RTN4R: variants seen among roughly 807,000 people sequenced by gnomAD.
The protein encoded by RTN4R is reticulon 4 receptor.
Under a neutral mutation model 27.7 loss-of-function variants are expected in RTN4R, and 4 were observed. The ratio of observed to expected loss-of-function variants is 0.14; its 90% CI spans 0.07 to 0.33. RTN4R has a LOEUF of 0.33. RTN4R is among the 10% of genes least tolerant of loss of function. RTN4R has a pLI of 1.00. For synonymous variants in RTN4R, 290 were observed against 305.6 expected (o/e 0.95, Z 0.53); for missense variants, 554 against 671.5 (o/e 0.83, Z 1.93).
At chr22:20,247,769 A>G (rs1429463406) in intron 1 of RTN4R, among the ~76,000 whole-genome samples, 3 of 152,178 alleles carry the variant, frequency 2.0e-5, no homozygotes, top group African/African-American at 4.8e-5. Context: ...TAGGCAGACC[A>G]GGTCAATAAC....
At chr22:20,245,110 C>T (rs1320592095) in intron 1 of RTN4R, among the ~76,000 whole-genome samples, 1 of 152,194 alleles carries the variant, frequency 6.6e-6, no homozygotes, top group Non-Finnish European at 1.5e-5. Flanking sequence ...TCTAAACATG[C>T]CCCCAGTGAG....
intron 1 of RTN4R, among the ~76,000 whole-genome samples, chr22:20,252,611 C>T: frequency 6.6e-6 from 1 of 152,118 alleles, no homozygotes; most frequent in East Asian, 1.9e-4. Context: ...ATCTTCATCA[C>T]CACTATCCTT....
rs749760894 is a variant in RTN4R at position 20,241,926 on chromosome 22, A to G, written c.1207T>C (p.Ser403Pro). ...PPLTAVRPEGSEPPGFPTSGP... is the reference protein window; with the variant it reads ...PPLTAVRPEGPEPPGFPTSGP... ...GAGGTGGGGAACCCTGGTGGCTCGG[A>G]GCCCTCGGGCCGCACTGCAGTGAGC... The change falls in exon 2 of 2, where the codon TCC becomes CCC. Residue 403 changes from serine to proline, a missense_variant. Ser to Pro is a moderately conservative substitution (Grantham distance 74). Coordinates refer to ENST00000043402, the MANE Select transcript of RTN4R (RefSeq NM_023004.6). 13 of 1,605,738 alleles carry G rather than the reference A, an allele frequency of 8.1e-6. No individual in the cohort carries two copies. The African/African-American group carries it at 1.6e-4, about 20-fold the overall frequency.
intron 1 of RTN4R, among the ~76,000 whole-genome samples, chr22:20,261,836 G>A (rs1453903709): frequency 6.6e-6 from 1 of 152,270 alleles, no homozygotes; most frequent in Non-Finnish European, 1.5e-5. Flanking sequence ...CTGGGAACTA[G>A]GGACGGGGGC....
intron 1 of RTN4R, among the ~76,000 whole-genome samples, chr22:20,245,294 G>A (rs1421022057): frequency 6.6e-6 from 1 of 152,220 alleles, no homozygotes; most frequent in Non-Finnish European, 1.5e-5. Flanking sequence ...AGTCGGGTGA[G>A]GTGGGCTCTC....
chr22:20,260,600 T>C (rs2051240204), intron 1 of RTN4R, among the ~76,000 whole-genome samples: 1 of 152,034 alleles, frequency 6.6e-6, no homozygotes, highest in Non-Finnish European at 1.5e-5. Context: ...GTTCCCCAGG[T>C]AGGTGGAAGG....
chr22:20,253,170 G>A (rs1414674373), intron 1 of RTN4R, among the ~76,000 whole-genome samples: 2 of 152,210 alleles, frequency 1.3e-5, no homozygotes, highest in Non-Finnish European at 2.9e-5. Context: ...CTGGAAGAGG[G>A]GGCAGCAGCC....
intron 1 of RTN4R, among the ~76,000 whole-genome samples, chr22:20,253,672 G>A (rs894142368): frequency 1.3e-5 from 2 of 152,148 alleles, no homozygotes; most frequent in East Asian, 3.8e-4. Context: ...GAGGGAGAAT[G>A]ATGCTAGAGG....
At chr22:20,252,712 C>G (rs1166130185) in intron 1 of RTN4R, among the ~76,000 whole-genome samples, 1 of 152,134 alleles carries the variant, frequency 6.6e-6, no homozygotes, top group Non-Finnish European at 1.5e-5. Context: ...GCTCCCCAGT[C>G]CCCCATGGCA....
intron 1 of RTN4R, chr22:20,249,013 C>T (rs1015690303): frequency 1.8e-5 from 8 of 448,196 alleles, no homozygotes; most frequent in Non-Finnish European, 3.3e-5. Flanking sequence ...CCAGTGGAGG[C>T]CTCGCCCAGC....
At chr22:20,267,164 C>G (rs1222588419) in intron 1 of RTN4R, among the ~76,000 whole-genome samples, 1 of 152,274 alleles carries the variant, frequency 6.6e-6, no homozygotes, top group Non-Finnish European at 1.5e-5. Flanking sequence ...AGTGTTTGTG[C>G]ATGTGCACAC....
chr22:20,268,276 G>T lies in RTN4R; in HGVS notation c.-184C>A. ...CTGGGCTCGGGCCGCGGGTGCGCAG[G>T]GCGCGCAGGGCGCACAGGGCGAGGG... On this transcript the variant is annotated 5_prime_UTR_variant, in exon 1 of 2. Coordinates refer to ENST00000043402, the MANE Select transcript of RTN4R (RefSeq NM_023004.6). The T allele has an allele frequency of 6.6e-6, 1 of 151,334 alleles. No individual in the cohort carries two copies. Among genetic ancestry groups the T allele is most frequent in the South Asian group, 1.8e-4 (1 of 5,618 alleles). The allele number at this position is 151,334 out of a possible 1,614,324, so 9.4% of individuals were successfully genotyped here.
intron 1 of RTN4R, among the ~76,000 whole-genome samples, chr22:20,265,849 C>A (rs2051273799): frequency 6.6e-6 from 1 of 152,194 alleles, no homozygotes; most frequent in Admixed American, 6.5e-5. Flanking sequence ...AAAGCCGGGC[C>A]AATTCCGCCC....
At chr22:20,260,960 T>C (rs1160276875) in intron 1 of RTN4R, among the ~76,000 whole-genome samples, 1 of 151,894 alleles carries the variant, frequency 6.6e-6, no homozygotes, top group African/African-American at 2.4e-5. Context: ...CCGGACCCTG[T>C]GCACCCCACT....
At chr22:20,256,229 G>A (rs1288011062) in intron 1 of RTN4R, among the ~76,000 whole-genome samples, 2 of 152,182 alleles carry the variant, frequency 1.3e-5, no homozygotes, top group East Asian at 1.9e-4. Context: ...TGGGACCCAC[G>A]CCACTGAGCC....
chr22:20,263,253 T>C (rs1206449365), intron 1 of RTN4R, among the ~76,000 whole-genome samples: 1 of 152,082 alleles, frequency 6.6e-6, no homozygotes, highest in Non-Finnish European at 1.5e-5. Context: ...ACAGGTCTCC[T>C]CCTCTGGTCC....
chr22:20,260,102 C>T (rs1378314222), intron 1 of RTN4R, among the ~76,000 whole-genome samples: 2 of 152,174 alleles, frequency 1.3e-5, no homozygotes, highest in African/African-American at 2.4e-5. Context: ...CTCAAGTCCA[C>T]AGTCCCCCAT....
At chr22:20,267,914 C>T (rs1403386369) in intron 1 of RTN4R, among the ~76,000 whole-genome samples, 157 bp downstream of exon 1, 1 of 151,888 alleles carries the variant, frequency 6.6e-6, no homozygotes, top group Non-Finnish European at 1.5e-5. Flanking sequence ...CCAGCGGCCC[C>T]AGCCTGGCGC....
intron 1 of RTN4R, among the ~76,000 whole-genome samples, chr22:20,246,523 G>A (rs1357319927): frequency 6.6e-5 from 10 of 152,022 alleles, no homozygotes; most frequent in African/African-American, 9.7e-5. Context: ...GGGAGGTGGC[G>A]GTGGGAGGCT....
Sources: allele counts gnomAD v4.1 joint callset (sites outside exome capture counted in the v4.1 genomes callset), GRCh38; gene constraint gnomAD v4.1.1; transcripts MANE v1.5; gene names NCBI Gene and HGNC (gene_info 2026-07-23, HGNC 2026-07-21).